The following RBM12 variants were observed in gnomAD, a reference collection of about 807,000 sequenced individuals.
RBM12 encodes RNA binding motif protein 12, also known as RNA-binding protein 12.
Under a neutral mutation model 37.2 loss-of-function variants are expected in RBM12, and 24 were observed. The ratio of observed to expected loss-of-function variants is 0.65; its 90% CI spans 0.47 to 0.91. The LOEUF (loss-of-function observed/expected upper bound fraction) is 0.91. RBM12 is among the 40% of genes least tolerant of loss of function. The probability of loss-of-function intolerance (pLI) is 0.00; values close to 1 mark genes in which losing one functional copy is unlikely to be tolerated. For missense variants in RBM12, 1,061 were observed against 1,183.2 expected (o/e 0.90, Z 1.52); for synonymous variants, 420 against 425.2 (o/e 0.99, Z 0.15).
At chr20:35,659,242 AAG>A (rs2034097485) in intron 1 of RBM12, among the ~76,000 whole-genome samples, 2 of 152,198 alleles carry the variant, frequency 1.3e-5, no homozygotes, top group Admixed American at 6.5e-5. Context: ...ATATATTTAC[AAG>A]AGTGTCATTA....
chr20:35,654,183 T>C lies in RBM12; in HGVS notation c.1140A>G (p.Arg380=). The change falls in exon 3 of 3, where the codon AGA becomes AGG. Residue 380 remains arginine (R), a synonymous_variant. Transcript: ENST00000374114. ...RYVEVSPATE[R]QWVAAGGHIT... is the part of the protein sequence containing the mutation. ...TATGGCCTCCAGCAGCTACCCACTG[T>C]CTTTCTGTGGCAGGGCTAACTTCCA... The C allele has an allele frequency of 1.2e-6, 2 of 1,614,234 alleles. No homozygotes were observed. The highest frequency in any genetic ancestry group is 1.7e-6 in the Non-Finnish European group (2 of 1,180,038).
intron 1 of RBM12, among the ~76,000 whole-genome samples, chr20:35,661,444 T>A (rs1304019186): frequency 6.6e-6 from 1 of 152,196 alleles, no homozygotes; most frequent in African/African-American, 2.4e-5. Context: ...AAAATACATA[T>A]TCTATCTATA....
At chr20:35,659,061 A>C (rs2034077650) in intron 1 of RBM12, 47 bp from the exon 2 acceptor site, 2 of 714,698 alleles carry the variant, frequency 2.8e-6, no homozygotes, top group Non-Finnish European at 2.6e-6. Flanking sequence ...AGGAAACACA[A>C]AACAACACGC....
At chr20:35,659,177 CCA>C (rs1349515491) in intron 1 of RBM12, among the ~76,000 whole-genome samples, 163 bp from the exon 2 acceptor site, 1 of 151,694 alleles carries the variant, frequency 6.6e-6, no homozygotes, top group Non-Finnish European at 1.5e-5. Context: ...TAACAAAATC[CCA>C]CACATGCTTT....
intron 1 of RBM12, among the ~76,000 whole-genome samples, chr20:35,664,179 C>G (rs547150737): frequency 1.3e-5 from 2 of 152,348 alleles, no homozygotes; most frequent in Admixed American, 1.3e-4. Context: ...CTGCAAACCC[C>G]TCCACCTTCA....
At chr20:35,662,655 G>A (rs1042016789) in intron 1 of RBM12, among the ~76,000 whole-genome samples, 12 of 152,200 alleles carry the variant, frequency 7.9e-5, no homozygotes, top group Admixed American at 7.9e-4. Flanking sequence ...TACAATGACA[G>A]AATGGCTCTC....
chr20:35,663,183 A>T (rs993870813), intron 1 of RBM12, among the ~76,000 whole-genome samples: 1 of 152,240 alleles, frequency 6.6e-6, no homozygotes, highest in Non-Finnish European at 1.5e-5. Flanking sequence ...CACTAAATCC[A>T]GAAATCCTCC....
In RBM12 at chr20:35,650,929, G is replaced by A. The variant is rs1330807951; in HGVS notation, c.*1595C>T. 1.1e-4 allele frequency: 17 copies of A among 152,564 alleles called. No individual in the cohort carries two copies. Among genetic ancestry groups the A allele is most frequent in the Non-Finnish European group, 2.9e-5 (2 of 68,012 alleles). 9.5% of individuals were successfully genotyped at this position (152,564 alleles called of 1,614,324 possible). A position where few individuals can be genotyped will look rare whatever the true frequency, so the allele number is the denominator to read the frequency against. On this transcript the variant is annotated 3_prime_UTR_variant, in exon 3 of 3. Coordinates refer to ENST00000374114, the MANE Select transcript of RBM12 (RefSeq NM_006047.6). ...AGGAAATGTTGGGGATGTTTCAAAC[G>A]AAGACAAAGGGGCCATGTAAAAGAT...
chr20:35,655,107 C>A lies in RBM12; in HGVS notation c.216G>T (p.Leu72Phe). The A allele has an allele frequency of 6.2e-7, 1 of 1,614,162 alleles. No individual in the cohort carries two copies. Among genetic ancestry groups the A allele is most frequent in the Non-Finnish European group, 8.5e-7 (1 of 1,180,040 alleles). Reference protein sequence around the residue: ...GTIKGSKVTLLLSSKTEMQNM... With the variant: ...GTIKGSKVTLFLSSKTEMQNM... ...TCTGCATTTCCGTCTTACTACTCAA[C>A]AATAGTGTTACTTTTGACCCTTTAA... The change falls in exon 3 of 3, where the codon TTG (leucine) becomes TTT (phenylalanine). Residue 72 changes from leucine to phenylalanine, a missense_variant. This residue lies in a region of RBM12 where 540 missense variants were observed against 632.7 expected (regional missense o/e 0.85). Transcript: ENST00000374114.
chr20:35,658,898 T>C (rs1479055078), intron 2 of RBM12, 32 bp downstream of exon 2: 1 of 710,192 alleles, frequency 1.4e-6, no homozygotes, highest in Non-Finnish European at 2.6e-6. Flanking sequence ...TTATTTTGTA[T>C]AAAAACGAAC....
chr20:35,654,968 A>G lies in RBM12; in HGVS notation c.355T>C (p.Leu119=). The part of the protein sequence containing the change: ...PSSGMSSRVN[L]PTTVSNFNNP... ...TTAAAGTTGGATACTGTTGTGGGCAAGTTTACCCTGCTACTCATTCCTGAG... is the reference window on the plus strand; with the variant it reads ...TTAAAGTTGGATACTGTTGTGGGCAGGTTTACCCTGCTACTCATTCCTGAG... Residue 119 remains leucine (L), a synonymous_variant, in exon 3 of 3, where the codon TTG becomes CTG. Transcript: ENST00000374114. The G allele has an allele frequency of 2.5e-6, 4 of 1,614,196 alleles. No homozygotes were observed. The highest frequency in any genetic ancestry group is 3.4e-6 in the Non-Finnish European group (4 of 1,180,036).
At chr20:35,658,749 A>G (rs1384251049) in intron 2 of RBM12, among the ~76,000 whole-genome samples, 181 bp downstream of exon 2, 2 of 151,858 alleles carry the variant, frequency 1.3e-5, no homozygotes, top group Non-Finnish European at 2.9e-5. Context: ...AACAGAGTCT[A>G]GCCTGGGCAA....
chr20:35,660,760 CA>C (rs943628547), intron 1 of RBM12, among the ~76,000 whole-genome samples: 11 of 152,146 alleles, frequency 7.2e-5, no homozygotes, highest in African/African-American at 2.4e-4. Flanking sequence ...GATTCCAATT[CA>C]AAAGGTCAGG....
At position 35,654,329 on chromosome 20, in the gene RBM12, C is replaced by A. The variant is rs751717153; in HGVS notation, c.994G>T (p.Val332Leu). 1 of 1,614,206 alleles carries A rather than the reference C, an allele frequency of 6.2e-7. No homozygotes were observed. The highest frequency in any genetic ancestry group is 8.5e-7 in the Non-Finnish European group (1 of 1,180,050). The change falls in exon 3 of 3, where the codon GTG becomes TTG. Residue 332 changes from valine (V) to leucine (L), a missense_variant. Val to Leu is a conservative substitution (Grantham distance 32). Around this residue, in one of 3 missense-constraint regions of RBM12, gnomAD observed 540 missense variants for 632.7 expected, o/e 0.85. Coordinates refer to ENST00000374114, the MANE Select transcript of RBM12 (RefSeq NM_006047.6). Reference protein sequence around the residue: ...DFFHGLRVDAVHLLKDHVGRN... With the variant: ...DFFHGLRVDALHLLKDHVGRN... ...CCTACATGATCTTTCAACAAATGCA[C>A]TGCATCAACACGGAGCCCATGAAAA...
rs1193019427 is a variant in RBM12 at position 35,651,877 on chromosome 20, G to A, written c.*647C>T. On this transcript the variant is annotated 3_prime_UTR_variant, in exon 3 of 3. Transcript: ENST00000374114. ...GAGGTTATAGCACAAACGAAGTGTGGACTTTTATATTTAGGGAAAAAAACC... is the reference window on the plus strand; with the variant it reads ...GAGGTTATAGCACAAACGAAGTGTGAACTTTTATATTTAGGGAAAAAAACC... 5 of 152,458 alleles carry A rather than the reference G, an allele frequency of 3.3e-5. No homozygotes were observed. The highest frequency in any genetic ancestry group is 7.4e-5 in the Non-Finnish European group (5 of 68,014). The allele number at this position is 152,458 out of a possible 1,614,324, so 9.4% of individuals were successfully genotyped here. A position where few individuals can be genotyped will look rare whatever the true frequency, so the allele number is the denominator to read the frequency against.
Position 35,663,731 on chromosome 20 carries a change from G to T in RBM12, c.-108+1029C>A, listed in dbSNP as rs56166790. Among the ~76,000 whole-genome samples the T allele has an allele frequency of 3.0e-3, 462 of 152,176 alleles. 3 individuals carry two copies. The East Asian group carries it at 0.041, about 13-fold the overall frequency. ...TCAGATTTGTCACTATAAAGCACAC[G>T]TTGGAGGCACACAAAAAGCCCGTAC... On this transcript the variant is annotated intron_variant, in intron 1 of 2. Transcript: ENST00000374114.
chr20:35,654,199 C>T lies in RBM12; in HGVS notation c.1124G>A (p.Ser375Asn). ...MLMIQRYVEV[S>N]PATERQWVAA... is the part of the protein sequence containing the mutation. ...TACCCACTGTCTTTCTGTGGCAGGG[C>T]TAACTTCCACATAGCGTTGAATCAT... The change falls in exon 3 of 3, where the codon AGC becomes AAC. Residue 375 changes from serine to asparagine, a missense_variant. Ser to Asn is a conservative substitution (Grantham distance 46). This residue lies in a region of RBM12 where 540 missense variants were observed against 632.7 expected (regional missense o/e 0.85). Transcript: ENST00000374114. The T allele has an allele frequency of 6.2e-7, 1 of 1,614,214 alleles. No homozygotes were observed. The highest frequency in any genetic ancestry group is 8.5e-7 in the Non-Finnish European group (1 of 1,180,042).
At chr20:35,660,695 A>G (rs2034183779) in intron 1 of RBM12, among the ~76,000 whole-genome samples, 2 of 152,242 alleles carry the variant, frequency 1.3e-5, no homozygotes, top group African/African-American at 2.4e-5. Context: ...CAGCCACATA[A>G]CAGGGTAACT....
At position 35,654,368 on chromosome 20, in the gene RBM12, C is replaced by T; in HGVS notation, c.955G>A (p.Asp319Asn). 1 of 1,614,216 alleles carries T rather than the reference C, an allele frequency of 6.2e-7. No individual in the cohort carries two copies. Among genetic ancestry groups the T allele is most frequent in the Non-Finnish European group, 8.5e-7 (1 of 1,180,038 alleles). Residue 319 changes from aspartate (D) to asparagine (N), a missense_variant, in exon 3 of 3, where the codon GAT (aspartate) becomes AAT (asparagine). Asp to Asn is a conservative substitution (Grantham distance 23). This residue lies in a region of RBM12 where 540 missense variants were observed against 632.7 expected (regional missense o/e 0.85). Transcript: ENST00000374114. ...HGMPFSAMEN[D>N]VRDFFHGLRV... ...AGCCCATGAAAAAAATCTCTGACAT[C>T]ATTTTCCATTGCAGAAAAGGGCATT...
Sources: gnomAD v4.1 joint callset for allele counts (sites outside exome capture counted in the v4.1 genomes callset) on GRCh38, gnomAD v4.1.1 for gene constraint, gnomAD v4.1.1 regional missense constraint, MANE v1.5 for transcripts, NCBI Gene and HGNC (gene_info 2026-07-23, HGNC 2026-07-21) for gene names.